The following AZIN1 variants were observed in gnomAD, a reference collection of about 807,000 sequenced individuals.
The protein encoded by AZIN1 is antizyme inhibitor 1, also known as ornithine decarboxylase antizyme inhibitor.
In AZIN1, 12 loss-of-function variants were observed where a neutral mutation model predicts 47.4. The observed-to-expected ratio is 0.25, with a 90% CI of 0.16 to 0.41. The LOEUF (loss-of-function observed/expected upper bound fraction) is 0.41. AZIN1 is among the 10% of genes least tolerant of loss of function. AZIN1 has a pLI of 1.00. For synonymous variants in AZIN1, 155 were observed against 176.3 expected (o/e 0.88, Z 0.96); for missense variants, 410 against 532.4 (o/e 0.77, Z 2.26).
At chr8:102,843,205 C>CAAAAA (rs10713233) in intron 3 of AZIN1, among the ~76,000 whole-genome samples, 1 of 97,268 alleles carries the variant, frequency 1.0e-5, no homozygotes, top group African/African-American at 3.7e-5. Context: ...GACTCGTCTC[C>CAAAAA]AAAAAAAAAA....
At chr8:102,863,528 C>G (rs984361598) in intron 1 of AZIN1, among the ~76,000 whole-genome samples, 1 of 151,588 alleles carries the variant, frequency 6.6e-6, no homozygotes, top group South Asian at 2.1e-4. Context: ...CGCGCTCCCC[C>G]ACTGGCACAC....
intron 9 of AZIN1, among the ~76,000 whole-genome samples, chr8:102,831,285 TA>T (rs1401416771): frequency 2.0e-5 from 3 of 152,076 alleles, no homozygotes; most frequent in Non-Finnish European, 2.9e-5. Context: ...AGATATTCTT[TA>T]AGTAAAGGCC....
chr8:102,827,196 A>G lies in AZIN1; in HGVS notation c.*1371T>C, dbSNP rs1811162813. 6.6e-6 allele frequency: 1 copy of G among 152,612 alleles called. No individual in the cohort carries two copies. Among genetic ancestry groups the G allele is most frequent in the African/African-American group, 2.4e-5 (1 of 41,446 alleles). 9.5% of individuals were successfully genotyped at this position (152,612 alleles called of 1,614,324 possible). ...GAAATTCCACACCTGAACACAGAGTAAGTTAGGAAAAAATGACCCCTGTTG... is the reference window on the plus strand; with the variant it reads ...GAAATTCCACACCTGAACACAGAGTGAGTTAGGAAAAAATGACCCCTGTTG... On this transcript the variant is annotated 3_prime_UTR_variant, in exon 12 of 12. Coordinates refer to ENST00000337198, the MANE Select transcript of AZIN1 (RefSeq NM_148174.4).
chr8:102,855,182 G>A (rs376229019), intron 2 of AZIN1, among the ~76,000 whole-genome samples: 178 of 151,228 alleles, frequency 1.2e-3, no homozygotes, highest in Middle Eastern at 3.4e-3. Context: ...AGCCTCCCAC[G>A]AGTAGTTGGC....
chr8:102,838,336 G>T (rs1048115069), intron 5 of AZIN1, among the ~76,000 whole-genome samples: 1 of 152,130 alleles, frequency 6.6e-6, no homozygotes, highest in African/African-American at 2.4e-5. Context: ...GACCATTCAA[G>T]AACTATGGCC....
At chr8:102,858,250 CAAT>C (rs1294322952) in intron 1 of AZIN1, 100 bp from the exon 2 acceptor site, 2 of 395,164 alleles carry the variant, frequency 5.1e-6, no homozygotes, top group Non-Finnish European at 8.9e-6. Flanking sequence ...CATTTTATAA[CAAT>C]GTTTCATTAA....
Position 102,829,280 on chromosome 8 carries a change from G to A in AZIN1, c.1227C>T (p.Phe409=), listed in dbSNP as rs762391963. Residue 409 remains phenylalanine (F), a synonymous_variant, in exon 11 of 12, where the codon TTC becomes TTT. Coordinates refer to ENST00000337198, the MANE Select transcript of AZIN1 (RefSeq NM_148174.4). ...QRPAIYYMMS[F]SDWYEMQDAG... Reference sequence around the variant, plus strand: ...AAATAAAATCACCTTACCAATCACTGAATGACATCATGTAATAAATGGCTG... The same window carrying A: ...AAATAAAATCACCTTACCAATCACTAAATGACATCATGTAATAAATGGCTG... The A allele has an allele frequency of 1.2e-6, 2 of 1,612,340 alleles. No homozygotes were observed. The highest frequency in any genetic ancestry group is 1.1e-5 in the South Asian group (1 of 90,842).
At chr8:102,857,787 G>A (rs1417599788) in intron 2 of AZIN1, among the ~76,000 whole-genome samples, 1 of 151,808 alleles carries the variant, frequency 6.6e-6, no homozygotes, top group Non-Finnish European at 1.5e-5. Flanking sequence ...TCTAAGTTAT[G>A]CATACAAGAT....
At position 102,858,019 on chromosome 8, in the gene AZIN1, A is replaced by G. The variant is rs1813402078; in HGVS notation, c.-102T>C. On this transcript the variant is annotated 5_prime_UTR_variant, in exon 2 of 12. Transcript: ENST00000337198. Reference sequence around the variant, plus strand: ...CAAATGTGCAAATACTTACATGGACAAGTTGGGAGATGGAACCCCCCTATC... The same window carrying G: ...CAAATGTGCAAATACTTACATGGACGAGTTGGGAGATGGAACCCCCCTATC... 1 of 399,036 alleles carries G rather than the reference A, an allele frequency of 2.5e-6. No homozygotes were observed. Among genetic ancestry groups the G allele is most frequent in the Non-Finnish European group, 4.4e-6 (1 of 226,042 alleles). The allele number at this position is 399,036 out of a possible 1,614,324, so 24.7% of individuals were successfully genotyped here.
At chr8:102,863,519 G>A (rs1173532303) in intron 1 of AZIN1, among the ~76,000 whole-genome samples, 1 of 151,496 alleles carries the variant, frequency 6.6e-6, no homozygotes, top group Non-Finnish European at 1.5e-5. Flanking sequence ...AGACCCCCGC[G>A]CGCTCCCCCA....
intron 9 of AZIN1, among the ~76,000 whole-genome samples, chr8:102,832,698 T>C (rs1811539829): frequency 6.6e-6 from 1 of 151,822 alleles, no homozygotes; most frequent in African/African-American, 2.4e-5. Context: ...TGGAGTCCAG[T>C]GGCACAATCT....
Position 102,843,531 on chromosome 8 carries a change from ATT to A in AZIN1, c.102+18_102+19del. The A allele has an allele frequency of 1.3e-6, 2 of 1,594,094 alleles. No homozygotes were observed. Among genetic ancestry groups the A allele is most frequent in the Non-Finnish European group, 8.6e-7 (1 of 1,162,050 alleles). On this transcript the variant is annotated intron_variant, in intron 3 of 11. Transcript: ENST00000337198. The stretch of plus-strand genomic sequence containing the variant: ...GAGCTTGGAAAATGACAAACACTGT[ATT>A]TGAGAAATGGCACTTACCAGGGTAT...
At chr8:102,859,309 G>T (rs1813482153) in intron 1 of AZIN1, 1 of 152,184 alleles carries the variant, frequency 6.6e-6, no homozygotes, top group Non-Finnish European at 1.5e-5. Context: ...GTTGAGTCAT[G>T]CTGGGGACAG....
intron 1 of AZIN1, among the ~76,000 whole-genome samples, chr8:102,863,554 C>G (rs1156734329): frequency 6.6e-6 from 1 of 151,342 alleles, no homozygotes; most frequent in Non-Finnish European, 1.5e-5. Context: ...CTCGCCCCAA[C>G]TGCTGCGGCT....
intron 2 of AZIN1, among the ~76,000 whole-genome samples, chr8:102,849,086 G>A (rs1008728138): frequency 6.6e-6 from 1 of 152,134 alleles, no homozygotes; most frequent in Non-Finnish European, 1.5e-5. Context: ...TCACGAGGTT[G>A]AGATCGAGAC....
intron 8 of AZIN1, among the ~76,000 whole-genome samples, chr8:102,833,610 A>C (rs1032297658): frequency 6.6e-6 from 1 of 152,090 alleles, no homozygotes; most frequent in Non-Finnish European, 1.5e-5. Flanking sequence ...ATCTGGCCTA[A>C]ATGCTAAAGT....
chr8:102,839,013 AG>A (rs1812005581), intron 4 of AZIN1, 97 bp from the exon 5 acceptor site: 4 of 1,089,948 alleles, frequency 3.7e-6, no homozygotes, highest in Non-Finnish European at 5.2e-6. Flanking sequence ...TTTTAAAACC[AG>A]GGTCTCACTC....
intron 2 of AZIN1, among the ~76,000 whole-genome samples, chr8:102,845,431 G>C (rs1343679354): frequency 2.0e-5 from 3 of 152,126 alleles, no homozygotes; most frequent in Non-Finnish European, 4.4e-5. Flanking sequence ...ATTTTACCAA[G>C]TTAATTGAGG....
chr8:102,859,265 T>C (rs1240357873), intron 1 of AZIN1: 2 of 152,208 alleles, frequency 1.3e-5, no homozygotes, highest in South Asian at 2.1e-4. Flanking sequence ...TCTGATTCTT[T>C]CAACACCAAC....
Sources: gnomAD v4.1 joint callset for allele counts (sites outside exome capture counted in the v4.1 genomes callset) on GRCh38, gnomAD v4.1.1 for gene constraint, MANE v1.5 for transcripts, NCBI Gene and HGNC (gene_info 2026-07-23, HGNC 2026-07-21) for gene names.